GPC6: variants seen among roughly 807,000 people sequenced by gnomAD.
GPC6 encodes glypican 6.
GPC6 carries 14 observed loss-of-function variants against 55.2 expected under a neutral mutation model. The observed-to-expected ratio is 0.25, with a 90% CI of 0.17 to 0.40. GPC6 has a LOEUF of 0.40. Ranked by LOEUF, GPC6 falls within the 10% of genes least tolerant of loss-of-function variation. The probability of loss-of-function intolerance (pLI) is 1.00; values close to 1 mark genes in which losing one functional copy is unlikely to be tolerated. For missense variants in GPC6, 641 were observed against 708.5 expected (o/e 0.90, Z 1.08); for synonymous variants, 278 against 259.6 (o/e 1.07, Z -0.68).
intron 3 of GPC6, among the ~76,000 whole-genome samples, chr13:93,831,979 A>C (rs1191417900): frequency 6.9e-6 from 1 of 145,190 alleles, no homozygotes; most frequent in East Asian, 2.1e-4. Flanking sequence ...AGTCCCAGCT[A>C]CTCTGGAGGC....
At chr13:94,223,059 C>G (rs1890434366) in intron 4 of GPC6, among the ~76,000 whole-genome samples, 1 of 152,122 alleles carries the variant, frequency 6.6e-6, no homozygotes, top group Non-Finnish European at 1.5e-5. Flanking sequence ...ATAATTTCCT[C>G]TTCTCATTTA....
chr13:94,372,355 C>T (rs977373455), intron 6 of GPC6, among the ~76,000 whole-genome samples: 44 of 150,268 alleles, frequency 2.9e-4, no homozygotes, highest in East Asian at 1.4e-3. Flanking sequence ...AGTGGGTGCG[C>T]GCACCGTGCG....
At chr13:93,551,531 G>A (rs1301019572) in intron 2 of GPC6, among the ~76,000 whole-genome samples, 2 of 152,142 alleles carry the variant, frequency 1.3e-5, no homozygotes, top group Non-Finnish European at 2.9e-5. Flanking sequence ...GTGGAGTTTG[G>A]AGATGCTAAT....
intron 6 of GPC6, among the ~76,000 whole-genome samples, chr13:94,334,762 C>T (rs1398622074): frequency 6.6e-6 from 1 of 152,182 alleles, no homozygotes; most frequent in Non-Finnish European, 1.5e-5. Flanking sequence ...TCTTCCTGAG[C>T]ACATCAGGCG....
intron 1 of GPC6, among the ~76,000 whole-genome samples, chr13:93,321,937 G>T (rs1879455804): frequency 1.3e-5 from 2 of 152,068 alleles, no homozygotes; most frequent in Non-Finnish European, 2.9e-5. Context: ...CTGTCGTGAT[G>T]AATCAGTCTT....
At position 93,830,359 on chromosome 13, in the gene GPC6, G is replaced by A. The variant is rs755866333; in HGVS notation, c.525G>A (p.Leu175=). 2.5e-6 allele frequency: 4 copies of A among 1,613,898 alleles called. No individual in the cohort carries two copies. In the South Asian group the frequency reaches 4.4e-5, roughly 18 times the overall value. Reference sequence around the variant, plus strand: ...GGCTCCTGGAACGGATGTTTCAGCTGATAAACCCTCAGTATCACTTCAGTG... The same window carrying A: ...GGCTCCTGGAACGGATGTTTCAGCTAATAAACCCTCAGTATCACTTCAGTG... ...WARLLERMFQ[L]INPQYHFSED... The change falls in exon 3 of 9, where the codon CTG becomes CTA. Residue 175 remains leucine (L), a synonymous_variant. Transcript: ENST00000377047.
At chr13:93,986,988 A>G (rs900190287) in intron 3 of GPC6, among the ~76,000 whole-genome samples, 4 of 152,162 alleles carry the variant, frequency 2.6e-5, no homozygotes, top group African/African-American at 7.2e-5. Context: ...ATCCAGTTCC[A>G]TGTTGGAGAA....
At chr13:93,896,669 G>A (rs1394127879) in intron 3 of GPC6, among the ~76,000 whole-genome samples, 1 of 152,056 alleles carries the variant, frequency 6.6e-6, no homozygotes, top group Non-Finnish European at 1.5e-5. Flanking sequence ...ACAGACTAAT[G>A]TATTAATATT....
At chr13:93,254,215 A>T (rs188437156) in intron 1 of GPC6, among the ~76,000 whole-genome samples, 92 of 152,182 alleles carry the variant, frequency 6.0e-4, no homozygotes, top group Non-Finnish European at 1.1e-3. Flanking sequence ...AGTCCCAGCT[A>T]CCGAAGAGGC....
chr13:94,164,779 T>TGA (rs145041923), intron 4 of GPC6, among the ~76,000 whole-genome samples: 4,550 of 152,116 alleles, frequency 0.03, 198 homozygotes, highest in African/African-American at 0.095. Flanking sequence ...TTCCTCCAAA[T>TGA]GAAGTGAAAA....
intron 1 of GPC6, among the ~76,000 whole-genome samples, chr13:93,318,739 C>CAT (rs1192760336): frequency 1.3e-5 from 2 of 152,038 alleles, no homozygotes; most frequent in Non-Finnish European, 2.9e-5. Context: ...GAGAGGACAG[C>CAT]AATTGGCAAT....
chr13:94,345,243 G>T (rs890377354), intron 6 of GPC6, among the ~76,000 whole-genome samples: 3 of 152,044 alleles, frequency 2.0e-5, no homozygotes, highest in South Asian at 4.1e-4. Flanking sequence ...ATATTTTTCT[G>T]TCTTTCTTAA....
chr13:94,101,736 A>AT (rs1327671361), intron 4 of GPC6, among the ~76,000 whole-genome samples: 6 of 152,072 alleles, frequency 3.9e-5, no homozygotes, highest in African/African-American at 1.4e-4. Flanking sequence ...TCTCTATGCC[A>AT]TCTCTAAAAT....
chr13:93,749,091 C>A (rs1884495234), intron 2 of GPC6, among the ~76,000 whole-genome samples: 1 of 151,980 alleles, frequency 6.6e-6, no homozygotes, highest in Non-Finnish European at 1.5e-5. Context: ...ATCAACTATA[C>A]TATTTTTGTT....
chr13:93,433,257 A>T lies in GPC6; in HGVS notation c.161-112006A>T, dbSNP rs77073115. ...ATCTGGTTGGATGAGATTCATAGGA[A>T]ATATTGGTATGAATTACCCCTGCTG... is the stretch of plus-strand genomic sequence containing the variant. On this transcript the variant is annotated intron_variant, in intron 1 of 8. Transcript: ENST00000377047. Among the ~76,000 whole-genome samples the T allele has an allele frequency of 1.0e-2, 1,519 of 152,260 alleles. 17 individuals carry two copies. The highest frequency in any genetic ancestry group is 0.017 in the Non-Finnish European group (1,163 of 68,020).
At chr13:93,827,192 A>G (rs77970238) in intron 2 of GPC6, among the ~76,000 whole-genome samples, 5,170 of 152,272 alleles carry the variant, frequency 0.034, 281 homozygotes, top group African/African-American at 0.12. Flanking sequence ...CTTCCATTAA[A>G]AAGAGTTCAG....
chr13:94,118,149 G>A (rs1031306653), intron 4 of GPC6, among the ~76,000 whole-genome samples: 1 of 152,034 alleles, frequency 6.6e-6, no homozygotes, highest in African/African-American at 2.4e-5. Context: ...ATCTTGAATT[G>A]TAGTTCTCAT....
At chr13:94,231,170 G>C (rs1213654156) in intron 4 of GPC6, among the ~76,000 whole-genome samples, 1 of 152,090 alleles carries the variant, frequency 6.6e-6, no homozygotes, top group African/African-American at 2.4e-5. Context: ...TGTTGAGTGA[G>C]AAAATAATAA....
intron 2 of GPC6, among the ~76,000 whole-genome samples, chr13:93,780,077 G>T (rs1172268116): frequency 1.3e-5 from 2 of 152,046 alleles, no homozygotes; most frequent in Non-Finnish European, 2.9e-5. Context: ...CAAGAATAAG[G>T]CCAAAGTAGT....
Sources: allele counts gnomAD v4.1 joint callset (sites outside exome capture counted in the v4.1 genomes callset), GRCh38; gene constraint gnomAD v4.1.1; transcripts MANE v1.5; gene names NCBI Gene and HGNC (gene_info 2026-07-23, HGNC 2026-07-21).